Variants in ODF2L observed in about 807,000 individuals in gnomAD.
ODF2L encodes the protein protein BCAP.
A neutral mutation model predicts 86.3 loss-of-function variants in ODF2L; 76 were observed. The ratio of observed to expected loss-of-function variants is 0.88; its 90% CI spans 0.73 to 1.07. The LOEUF (loss-of-function observed/expected upper bound fraction) is 1.07. Among genes scored for constraint, ODF2L ranks in the 50% least tolerant of loss-of-function variants. The probability of loss-of-function intolerance (pLI) is 0.00; values close to 1 mark genes in which losing one functional copy is unlikely to be tolerated. For synonymous variants in ODF2L, 241 were observed against 231.3 expected, an observed-to-expected ratio of 1.04 and a Z score of -0.38; for missense variants, 748 against 717.4, an observed-to-expected ratio of 1.04 and a Z score of -0.49.
chr1:86,395,278 G>A (rs1661651238), intron 1 of ODF2L, among the ~76,000 whole-genome samples: 1 of 152,136 alleles, frequency 6.6e-6, no homozygotes, highest in Non-Finnish European at 1.5e-5. Flanking sequence ...CCCAACAGCA[G>A]CCCCAGTATG....
intron 13 of ODF2L, chr1:86,358,091 TC>T: frequency 2.0e-6 from 2 of 985,556 alleles, no homozygotes; most frequent in African/African-American, 3.5e-5. Flanking sequence ...ATTGCCTTGC[TC>T]TGACTTCTCA....
At chr1:86,354,469 T>C in intron 16 of ODF2L, 61 bp downstream of exon 15, 1 of 1,111,044 alleles carries the variant, frequency 9.0e-7, no homozygotes. Flanking sequence ...TTGCAAGATG[T>C]TTAAAAAGAT....
intron 11 of ODF2L, among the ~76,000 whole-genome samples, chr1:86,367,973 T>C (rs547434524): frequency 2.4e-4 from 36 of 152,326 alleles, no homozygotes; most frequent in African/African-American, 8.2e-4. Context: ...TTTGTTCAGA[T>C]GCCATTTTTT....
intron 14 of ODF2L, chr1:86,355,091 A>T (rs1458918554): frequency 9.2e-6 from 5 of 544,648 alleles, no homozygotes; most frequent in Non-Finnish European, 6.5e-6. Context: ...ACTAAAAAAA[A>T]TTCAGGATGA....
downstream of ODF2L, chr1:86,348,990 T>C: frequency 8.5e-7 from 1 of 1,175,196 alleles, no homozygotes; most frequent in South Asian, 1.9e-5. Flanking sequence ...CTTTTTGATT[T>C]TTTAAAATAA....
At chr1:86,352,332 T>G (rs1219681107) in intron 17 of ODF2L, 1 of 1,179,500 alleles carries the variant, frequency 8.5e-7, no homozygotes, top group African/African-American at 1.6e-5. Context: ...TCATGAGTAT[T>G]CAGGAAAAAA....
At chr1:86,365,217 T>C (rs1193800971) in intron 11 of ODF2L, among the ~76,000 whole-genome samples, 1 of 152,170 alleles carries the variant, frequency 6.6e-6, no homozygotes, top group Non-Finnish European at 1.5e-5. Context: ...ACGATAGTAT[T>C]GACATGAGAA....
intron 9 of ODF2L, 91 bp from the exon 10 acceptor site, chr1:86,371,244 C>T (rs1659765084): frequency 1.0e-5 from 6 of 598,494 alleles, no homozygotes; most frequent in South Asian, 7.2e-5. Flanking sequence ...TCACTTTGGC[C>T]GGGTGCATCG....
intron 13 of ODF2L, 63 bp from the exon 13 acceptor site, chr1:86,356,665 T>C (rs1259386661): frequency 1.4e-6 from 2 of 1,386,434 alleles, no homozygotes; most frequent in Admixed American, 3.8e-5. Flanking sequence ...ATTTTTATTA[T>C]CTTAAATACT....
intron 11 of ODF2L, among the ~76,000 whole-genome samples, chr1:86,363,724 T>C (rs1198337957): frequency 3.3e-5 from 5 of 151,992 alleles, no homozygotes; most frequent in Non-Finnish European, 7.4e-5. Flanking sequence ...TCCAGTTATC[T>C]TTCAGTTATG....
rs1468087529 is a variant in ODF2L at position 86,371,084 on chromosome 1, A to G, written c.990T>C (p.Ile330=). The G allele has an allele frequency of 2.6e-6, 4 of 1,561,242 alleles. No homozygotes were observed. The African/African-American group carries it at 5.4e-5, about 21-fold the overall frequency. ...ATTCAATTGAGTGAACTTTTCTAAG[A>G]ATTTCTTCACATGAATTTTTTCCAT... Residue 330 remains isoleucine, a synonymous_variant, in exon 10 of 18, where the codon ATT becomes ATC. Transcript: ENST00000317336.
chr1:86,378,840 A>AC (rs1660363434), intron 7 of ODF2L, among the ~76,000 whole-genome samples: 1 of 151,936 alleles, frequency 6.6e-6, no homozygotes, highest in Non-Finnish European at 1.5e-5. Context: ...GGGTAGGGAC[A>AC]CAGCCAAACT....
intron 14 of ODF2L, among the ~76,000 whole-genome samples, chr1:86,355,615 T>C (rs1658491806): frequency 6.6e-6 from 1 of 152,154 alleles, no homozygotes; most frequent in African/African-American, 2.4e-5. Context: ...GTTGTACAGA[T>C]TATTTCATCA....
intron 13 of ODF2L, among the ~76,000 whole-genome samples, chr1:86,357,176 T>C (rs776181440): frequency 7.9e-5 from 12 of 152,176 alleles, no homozygotes; most frequent in Non-Finnish European, 1.8e-4. Flanking sequence ...TTAATCTGTT[T>C]TGGCTACTGC....
intron 11 of ODF2L, among the ~76,000 whole-genome samples, chr1:86,363,415 T>C (rs775282578): frequency 1.5e-4 from 23 of 152,140 alleles, no homozygotes; most frequent in Non-Finnish European, 2.9e-4. Flanking sequence ...ATGAGATTAT[T>C]TATAAAATTT....
At chr1:86,348,691 CA>C, downstream of ODF2L, 3 of 1,279,876 alleles carry the variant, frequency 2.3e-6, no homozygotes, top group Non-Finnish European at 3.1e-6. Flanking sequence ...TTTTTTTACC[CA>C]ATCACATTTT....
intron 13 of ODF2L, among the ~76,000 whole-genome samples, chr1:86,357,348 G>A (rs1367874280): frequency 1.3e-5 from 2 of 150,484 alleles, no homozygotes; most frequent in East Asian, 2.0e-4. Flanking sequence ...AGATAATGCA[G>A]TATTTTTTTT....
chr1:86,355,211 G>C (rs1214070043), intron 14 of ODF2L: 3 of 626,368 alleles, frequency 4.8e-6, no homozygotes, highest in Non-Finnish European at 8.4e-6. Flanking sequence ...TGGATACCTA[G>C]GGTTTCTCTT....
At chr1:86,379,565 A>G (rs2101180099) in intron 7 of ODF2L, among the ~76,000 whole-genome samples, 1 of 152,314 alleles carries the variant, frequency 6.6e-6, no homozygotes, top group African/African-American at 2.4e-5. Context: ...TAGCTCCCCA[A>G]ATATATTAGG....
Sources: allele counts gnomAD v4.1 joint callset (sites outside exome capture counted in the v4.1 genomes callset), GRCh38; gene constraint gnomAD v4.1.1; transcripts MANE v1.5; gene names NCBI Gene and HGNC (gene_info 2026-07-23, HGNC 2026-07-21).